The following KLHL32 variants were observed in gnomAD, a reference collection of about 807,000 sequenced individuals.
KLHL32 encodes kelch-like protein 32.
Under a neutral mutation model 64.8 loss-of-function variants are expected in KLHL32, and 35 were observed. The observed-to-expected ratio is 0.54, with a 90% CI of 0.41 to 0.72. The LOEUF is 0.72. Ranked by LOEUF, KLHL32 falls within the 30% of genes least tolerant of loss-of-function variation. The pLI is 0.00. For synonymous variants in KLHL32, 259 were observed against 281.0 expected (o/e 0.92, Z 0.78); for missense variants, 589 against 768.5 (o/e 0.77, Z 2.76).
chr6:97,095,837 C>T (rs187670293), intron 6 of KLHL32, among the ~76,000 whole-genome samples: 1 of 152,268 alleles, frequency 6.6e-6, no homozygotes, highest in East Asian at 1.9e-4. Context: ...AACCATTTCC[C>T]AGATAGCTTT....
chr6:97,067,852 C>T (rs1166534069), intron 5 of KLHL32, among the ~76,000 whole-genome samples: 1 of 152,188 alleles, frequency 6.6e-6, no homozygotes, highest in African/African-American at 2.4e-5. Context: ...CTGTGCCTTT[C>T]CTAGCCTGCT....
At chr6:96,988,168 C>T (rs926961137) in intron 3 of KLHL32, among the ~76,000 whole-genome samples, 8 of 152,164 alleles carry the variant, frequency 5.3e-5, no homozygotes, top group Admixed American at 2.0e-4. Context: ...GAACAGGCAA[C>T]CTACAGAATG....
intron 6 of KLHL32, among the ~76,000 whole-genome samples, chr6:97,109,959 A>G (rs888474619): frequency 4.6e-5 from 7 of 152,228 alleles, no homozygotes; most frequent in Non-Finnish European, 1.0e-4. Context: ...CTTGAGCTGG[A>G]TGACTTTATC....
In KLHL32 at chr6:97,064,707, G is replaced by T. The variant is rs1582900439; in HGVS notation, c.392G>T (p.Cys131Phe). ...CAGCTGTTGGAGCTTCTCAATTTAT[G>T]CTCCCACTATCTCATCCAGGTATGT... ...HLQLLELLNL[C>F]SHYLIQELNS... The change falls in exon 5 of 11, where the codon TGC (cysteine) becomes TTC (phenylalanine). Residue 131 changes from cysteine to phenylalanine, a missense_variant. Cys to Phe is a radical substitution (Grantham distance 205). Transcript: ENST00000369261. 1.9e-6 allele frequency: 3 copies of T among 1,613,758 alleles called. No individual in the cohort carries two copies. The highest frequency in any genetic ancestry group is 2.5e-6 in the Non-Finnish European group (3 of 1,179,772).
rs576382428 is a variant in KLHL32, at chr6:97,020,717, C to T, written c.205-20775C>T. ...AGTTTCCAGTCCTCATTTTCCTCAA[C>T]GCATCAGCATCTCAGTCACTTCCTA... is the stretch of plus-strand genomic sequence containing the variant. On this transcript the variant is annotated intron_variant, in intron 3 of 10. Coordinates refer to ENST00000369261, the MANE Select transcript of KLHL32 (RefSeq NM_052904.4). Among the ~76,000 whole-genome samples, 16 of 151,092 alleles carry T rather than the reference C, an allele frequency of 1.1e-4. No individual in the cohort carries two copies. The South Asian group carries it at 2.3e-3, about 22-fold the overall frequency.
rs184302214 is a variant in KLHL32, at chr6:97,089,680, C to G, written c.627+4339C>G. Among the ~76,000 whole-genome samples the G allele has an allele frequency of 5.4e-4, 82 of 150,880 alleles. No homozygotes were observed. In the East Asian group the frequency reaches 0.014, roughly 25 times the overall value. On this transcript the variant is annotated intron_variant, in intron 6 of 10. Coordinates refer to ENST00000369261, the MANE Select transcript of KLHL32 (RefSeq NM_052904.4). The stretch of plus-strand genomic sequence containing the variant: ...TGTAATCCCAGCTGAGGCCTGGAGG[C>G]TGAGATAGGAGAATCAGTTGAAGCG...
chr6:97,035,452 G>A (rs1022664713), intron 3 of KLHL32, among the ~76,000 whole-genome samples: 3 of 151,862 alleles, frequency 2.0e-5, no homozygotes, highest in Admixed American at 1.3e-4. Context: ...ATGCTTTCAC[G>A]TTACTGTTTA....
chr6:97,056,174 C>T (rs1437202200), intron 4 of KLHL32, among the ~76,000 whole-genome samples: 4 of 141,714 alleles, frequency 2.8e-5, no homozygotes, highest in African/African-American at 8.0e-5. Flanking sequence ...GGCACGATCT[C>T]GGCTCACTGG....
intron 3 of KLHL32, among the ~76,000 whole-genome samples, chr6:97,001,274 G>T (rs1778999717): frequency 6.6e-6 from 1 of 152,258 alleles, no homozygotes; most frequent in Admixed American, 6.5e-5. Context: ...GGGGGAAGGA[G>T]CTATGTGGAA....
chr6:97,095,553 T>C (rs1794868710), intron 6 of KLHL32, among the ~76,000 whole-genome samples: 1 of 152,204 alleles, frequency 6.6e-6, no homozygotes, highest in Admixed American at 6.5e-5. Context: ...GGAAATCCTG[T>C]TTTCGACCCC....
chr6:96,900,988 C>T, the KLHL32 span, among the ~76,000 whole-genome samples: 1 of 152,168 alleles, frequency 6.6e-6, no homozygotes, highest in African/African-American at 2.4e-5. Context: ...GTCTGTAAAA[C>T]CTAGAATACT....
chr6:97,114,162 G>A lies in KLHL32; in HGVS notation c.1007G>A (p.Arg336Lys). 1 of 1,614,174 alleles carries A rather than the reference G, an allele frequency of 6.2e-7. No homozygotes were observed. The highest frequency in any genetic ancestry group is 8.5e-7 in the Non-Finnish European group (1 of 1,180,034). ...GAGCTGGCTCCCATGCCTGTGGGAA[G>A]GAGCCACCATTGTGTGGCAGTCATG... ...WSELAPMPVG[R>K]SHHCVAVMGD... The change falls in exon 7 of 11, where the codon AGG becomes AAG. Residue 336 changes from arginine (R) to lysine (K), a missense_variant. By Grantham distance (26) the Arg-to-Lys change is conservative. This residue lies in a region of KLHL32 where 226 missense variants were observed against 353.2 expected (regional missense o/e 0.64). Transcript: ENST00000369261.
At position 97,054,607 on chromosome 6, in the gene KLHL32, A is replaced by G. The variant is rs17057343; in HGVS notation, c.313-10021A>G. 7.3e-3 allele frequency among the ~76,000 whole-genome samples: 1,111 copies of G among 152,364 alleles called. 16 individuals carry two copies. Among genetic ancestry groups the G allele is most frequent in the African/African-American group, 0.025 (1,036 of 41,580 alleles). On this transcript the variant is annotated intron_variant, in intron 4 of 10. Transcript: ENST00000369261. ...ACTAATTCAGGTAGGAGAATGGATA[A>G]TTGAGTTGTAGTTCTTTGTCAAGGA... is the stretch of plus-strand genomic sequence containing the variant.
intron 5 of KLHL32, among the ~76,000 whole-genome samples, chr6:97,077,955 G>C (rs1251675077): frequency 1.3e-5 from 2 of 152,150 alleles, no homozygotes; most frequent in Admixed American, 6.5e-5. Context: ...TGCATGAATA[G>C]CTTAGTGACA....
At chr6:96,977,459 C>T (rs1260507201) in intron 3 of KLHL32, among the ~76,000 whole-genome samples, 2 of 143,178 alleles carry the variant, frequency 1.4e-5, no homozygotes, top group Admixed American at 7.0e-5. Flanking sequence ...TATTTCAATG[C>T]CTATTTAATT....
chr6:96,978,780 T>C (rs1283706878), intron 3 of KLHL32, among the ~76,000 whole-genome samples: 2 of 152,200 alleles, frequency 1.3e-5, no homozygotes, highest in Admixed American at 1.3e-4. Flanking sequence ...CAGCATTCTC[T>C]TTTCTCTGCA....
the KLHL32 span, among the ~76,000 whole-genome samples, chr6:96,917,319 C>T: frequency 7.4e-4 from 112 of 152,276 alleles, no homozygotes; most frequent in African/African-American, 2.6e-3. Flanking sequence ...ATCTCTCTGC[C>T]TGATATCCTC....
chr6:96,904,482 A>C, the KLHL32 span, among the ~76,000 whole-genome samples: 2 of 152,226 alleles, frequency 1.3e-5, no homozygotes, highest in Non-Finnish European at 2.9e-5. Context: ...AAACCACAAA[A>C]ATTATGAAAG....
At chr6:96,920,837 G>A (rs531474771), upstream of KLHL32, among the ~76,000 whole-genome samples, 15 of 151,990 alleles carry the variant, frequency 9.9e-5, no homozygotes, top group African/African-American at 3.4e-4. Context: ...ATATTACCAA[G>A]CTATCATGAG....
Sources: allele counts gnomAD v4.1 joint callset (sites outside exome capture counted in the v4.1 genomes callset), GRCh38; gene constraint gnomAD v4.1.1; regional missense constraint gnomAD v4.1.1; transcripts MANE v1.5; gene names NCBI Gene and HGNC (gene_info 2026-07-23, HGNC 2026-07-21).